Variants in GPR107 observed in about 807,000 individuals in gnomAD.
GPR107 encodes the protein G protein-coupled receptor 107.
In GPR107, 31 loss-of-function variants were observed where a neutral mutation model predicts 75.5. The observed-to-expected ratio is 0.41, with a 90% CI of 0.31 to 0.55. The LOEUF (loss-of-function observed/expected upper bound fraction) is 0.55, where lower values mean the gene tolerates loss of function less well. GPR107 is among the 20% of genes least tolerant of loss of function. GPR107 has a pLI of 0.26. For synonymous variants in GPR107, 267 were observed against 251.3 expected (o/e 1.06, Z -0.59); for missense variants, 572 against 665.7 (o/e 0.86, Z 1.55).
intron 14 of GPR107, among the ~76,000 whole-genome samples, chr9:130,115,469 TAA>T (rs36079484): frequency 5.4e-5 from 8 of 149,232 alleles, no homozygotes; most frequent in Admixed American, 2.7e-4. Flanking sequence ...TGTTTTCTTT[TAA>T]AAAAAAAAAT....
intron 1 of GPR107, among the ~76,000 whole-genome samples, chr9:130,054,826 C>A (rs541902377): frequency 7.1e-4 from 108 of 152,314 alleles, no homozygotes; most frequent in African/African-American, 2.5e-3. Flanking sequence ...TGCCTGTAAT[C>A]CCAACACTGG....
At chr9:130,063,351 C>T (rs984903281) in intron 1 of GPR107, among the ~76,000 whole-genome samples, 3 of 152,132 alleles carry the variant, frequency 2.0e-5, no homozygotes, top group East Asian at 1.9e-4. Flanking sequence ...CCACCACATC[C>T]GGCAAATTTT....
chr9:130,123,316 G>A (rs144131904), intron 14 of GPR107, among the ~76,000 whole-genome samples: 3 of 151,996 alleles, frequency 2.0e-5, no homozygotes, highest in Non-Finnish European at 2.9e-5. Flanking sequence ...GCAATTCTCC[G>A]TCTCAGCCTC....
intron 10 of GPR107, among the ~76,000 whole-genome samples, chr9:130,100,234 C>A (rs906223036): frequency 6.6e-6 from 1 of 152,086 alleles, no homozygotes; most frequent in Non-Finnish European, 1.5e-5. Flanking sequence ...CCCTCATGTT[C>A]CTCTGTGATT....
chr9:130,062,459 A>AATAATG (rs1829950910), intron 1 of GPR107, among the ~76,000 whole-genome samples: 2 of 149,408 alleles, frequency 1.3e-5, no homozygotes, highest in South Asian at 2.1e-4. Flanking sequence ...TAATAATAAT[A>AATAATG]GCACTGAGTA....
At chr9:130,067,101 T>A (rs961884091) in intron 1 of GPR107, among the ~76,000 whole-genome samples, 6 of 152,214 alleles carry the variant, frequency 3.9e-5, no homozygotes, top group African/African-American at 1.2e-4. Context: ...ATAGTGTTGA[T>A]ACATTTAGTG....
At chr9:130,100,798 C>A in intron 11 of GPR107, 96 bp downstream of exon 11, 3 of 833,420 alleles carry the variant, frequency 3.6e-6, no homozygotes, top group Non-Finnish European at 6.1e-6. Context: ...GCCCTGCCCT[C>A]CTGTGGCAGC....
At chr9:130,133,535 C>T (rs1831881236) in intron 17 of GPR107, among the ~76,000 whole-genome samples, 1 of 152,164 alleles carries the variant, frequency 6.6e-6, no homozygotes, top group African/African-American at 2.4e-5. Context: ...CATGCAAAGG[C>T]CCTACCTCCT....
At chr9:130,059,847 T>C (rs1351921763) in intron 1 of GPR107, among the ~76,000 whole-genome samples, 1 of 151,808 alleles carries the variant, frequency 6.6e-6, no homozygotes, top group African/African-American at 2.4e-5. Context: ...CAAGTGATTC[T>C]CCTGCCTCGA....
At chr9:130,125,597 CTTTTTT>C (rs71387321) in intron 15 of GPR107, among the ~76,000 whole-genome samples, 7 of 103,110 alleles carry the variant, frequency 6.8e-5, no homozygotes, top group Admixed American at 1.1e-4. Context: ...ATCTGAGTTC[CTTTTTT>C]TTTTTTTTTT....
At chr9:130,079,575 C>T (rs563886453) in intron 4 of GPR107, 55 bp from the exon 5 acceptor site, 5 of 1,527,286 alleles carry the variant, frequency 3.3e-6, no homozygotes, top group Non-Finnish European at 4.5e-6. Flanking sequence ...GCAGCGTGCT[C>T]AGTGGCCAGG....
At position 130,079,749 on chromosome 9, in the gene GPR107, A is replaced by G. The variant is rs1830448123; in HGVS notation, c.506A>G (p.Asn169Ser). The change falls in exon 5 of 18, where the codon AAC becomes AGC. Residue 169 changes from asparagine (N) to serine (S), a missense_variant. Physicochemically the swap from Asn to Ser is conservative, Grantham distance 46. Coordinates refer to ENST00000347136, the MANE Select transcript of GPR107 (RefSeq NM_020960.5). ...EPNVNPASAG[N>S]QTQKTQDGGK... ...AATGTTAACCCTGCTTCAGCAGGCA[A>G]CCAGACCCAGAAGACACAAGGTAAA... The G allele has an allele frequency of 6.2e-7, 1 of 1,611,934 alleles. No homozygotes were observed. The highest frequency in any genetic ancestry group is 2.2e-5 in the East Asian group (1 of 44,816).
At chr9:130,061,808 G>A (rs747633201) in intron 1 of GPR107, among the ~76,000 whole-genome samples, 4 of 152,230 alleles carry the variant, frequency 2.6e-5, no homozygotes, top group Non-Finnish European at 5.9e-5. Context: ...GCCGGGCATG[G>A]TGATGGGCAC....
intron 1 of GPR107, among the ~76,000 whole-genome samples, chr9:130,072,796 T>C (rs1830244612): frequency 6.6e-6 from 1 of 151,990 alleles, no homozygotes; most frequent in Non-Finnish European, 1.5e-5. Flanking sequence ...AAAACCTGTA[T>C]TGTGGTGGCC....
At chr9:130,080,791 C>T (rs566793893) in intron 5 of GPR107, among the ~76,000 whole-genome samples, 20 of 151,542 alleles carry the variant, frequency 1.3e-4, no homozygotes, top group African/African-American at 3.9e-4. Context: ...GCGCCCGGCC[C>T]TGTTTATTTA....
chr9:130,054,448 G>C (rs1829686208), intron 1 of GPR107, among the ~76,000 whole-genome samples: 1 of 152,138 alleles, frequency 6.6e-6, no homozygotes. Context: ...CTTGTCCGCG[G>C]TCTCCGCTCT....
At chr9:130,071,654 A>G (rs555876154) in intron 1 of GPR107, among the ~76,000 whole-genome samples, 1 of 151,858 alleles carries the variant, frequency 6.6e-6, no homozygotes, top group South Asian at 2.1e-4. Context: ...TGCTGTTGTT[A>G]TTATCATTAT....
At chr9:130,123,534 T>TC (rs199760379) in intron 14 of GPR107, among the ~76,000 whole-genome samples, 1 of 58,584 alleles carries the variant, frequency 1.7e-5, no homozygotes, top group Middle Eastern at 0.011. Flanking sequence ...TCTTTTCTTT[T>TC]TTTTTTTTTT....
At chr9:130,076,051 A>G (rs1830341436) in intron 2 of GPR107, among the ~76,000 whole-genome samples, 1 of 151,894 alleles carries the variant, frequency 6.6e-6, no homozygotes, top group African/African-American at 2.4e-5. Context: ...AAGTGCTGGG[A>G]TTACAGGTGT....
Sources: gnomAD v4.1 joint callset for allele counts (sites outside exome capture counted in the v4.1 genomes callset) on GRCh38, gnomAD v4.1.1 for gene constraint, MANE v1.5 for transcripts, NCBI Gene and HGNC (gene_info 2026-07-23, HGNC 2026-07-21) for gene names.